The following KATNA1 variants were observed in gnomAD, a reference collection of about 807,000 sequenced individuals.
KATNA1 encodes the protein katanin p60 ATPase-containing subunit A1.
Under a neutral mutation model 62.6 loss-of-function variants are expected in KATNA1, and 42 were observed. That is an observed-to-expected ratio of 0.67 (90% confidence interval 0.52 to 0.87). The LOEUF is 0.87. Among genes scored for constraint, KATNA1 ranks in the 40% least tolerant of loss-of-function variants. The pLI, the probability that KATNA1 is intolerant of heterozygous loss-of-function variation, is 0.00. For missense variants in KATNA1, 498 were observed against 612.5 expected (o/e 0.81, Z 1.97); for synonymous variants, 186 against 201.9 (o/e 0.92, Z 0.67).
chr6:149,607,934 T>C (rs559349245), intron 4 of KATNA1, among the ~76,000 whole-genome samples: 102 of 152,030 alleles, frequency 6.7e-4, no homozygotes, highest in African/African-American at 2.4e-3. Context: ...GGTGTGATGG[T>C]TCACACCTGT....
chr6:149,637,387 A>T (rs1780103272), intron 2 of KATNA1, among the ~76,000 whole-genome samples: 1 of 152,076 alleles, frequency 6.6e-6, no homozygotes, highest in Non-Finnish European at 1.5e-5. Flanking sequence ...TGGGCAAGAG[A>T]GCAAGACCCT....
rs1246899427 is a variant in KATNA1 at position 149,598,101 on chromosome 6, GAAGTT to G, written c.1015+118_1015+122del. ...TCTTGCCACCCCCTCTAGTCCATCTGAAGTTAAGAATACCTATTAAAAGCTTGGGT... is the reference window on the plus strand; with the variant it reads ...TCTTGCCACCCCCTCTAGTCCATCTGAAGAATACCTATTAAAAGCTTGGGT... On this transcript the variant is annotated intron_variant, in intron 8 of 10. Transcript: ENST00000367411. 4 of 1,046,674 alleles carry G rather than the reference GAAGTT, an allele frequency of 3.8e-6. No individual in the cohort carries two copies. The East Asian group carries it at 9.7e-5, about 25-fold the overall frequency. The allele number at this position is 1,046,674 out of a possible 1,614,324, so 64.8% of individuals were successfully genotyped here.
chr6:149,600,227 C>T (rs905099151), intron 7 of KATNA1, among the ~76,000 whole-genome samples: 4 of 122,892 alleles, frequency 3.3e-5, no homozygotes, highest in Admixed American at 2.6e-4. Context: ...AAAAGCTGAA[C>T]ACAATGGCTC....
intron 4 of KATNA1, among the ~76,000 whole-genome samples, chr6:149,622,281 C>T (rs1779430335): frequency 1.3e-5 from 2 of 151,934 alleles, no homozygotes; most frequent in East Asian, 1.9e-4. Context: ...TACAGGCGCC[C>T]GCCACCACGG....
Position 149,633,033 on chromosome 6 carries a change from T to G in KATNA1, c.163-117A>C, listed in dbSNP as rs117028457. Reference sequence around the variant, plus strand: ...CTCCATTTTGATATCAGATATCCAGTAAACCACATCAAGATATTCTATCAA... The same window carrying G: ...CTCCATTTTGATATCAGATATCCAGGAAACCACATCAAGATATTCTATCAA... On this transcript the variant is annotated intron_variant, in intron 2 of 10. Transcript: ENST00000367411. 9.8e-3 allele frequency: 6,517 copies of G among 667,848 alleles called. 57 individuals are homozygous for G. The highest frequency in any genetic ancestry group is 0.014 in the Non-Finnish European group (5,483 of 404,306). 41.4% of individuals were successfully genotyped at this position (667,848 alleles called of 1,614,324 possible). A position where few individuals can be genotyped will look rare whatever the true frequency, so the allele number is the denominator to read the frequency against.
intron 4 of KATNA1, among the ~76,000 whole-genome samples, chr6:149,613,314 C>G (rs1194603454): frequency 1.3e-5 from 2 of 148,960 alleles, no homozygotes; most frequent in Non-Finnish European, 3.0e-5. Context: ...AGGAACACAG[C>G]AAGGACATCT....
At chr6:149,611,633 G>A (rs1778960392) in intron 4 of KATNA1, among the ~76,000 whole-genome samples, 1 of 152,002 alleles carries the variant, frequency 6.6e-6, no homozygotes, top group Non-Finnish European at 1.5e-5. Context: ...AATGCAAAAA[G>A]GACAGAGAAC....
chr6:149,638,577 A>G lies in KATNA1; in HGVS notation c.-13-17T>C. ...AACTGTAAGCTAAAAAGAAGAAGAA[A>G]AAAAGAAACACTTTAGGTTTACATG... On this transcript the variant is annotated splice_polypyrimidine_tract_variant and intron_variant, in intron 1 of 10. Coordinates refer to ENST00000367411, the MANE Select transcript of KATNA1 (RefSeq NM_007044.4). The G allele has an allele frequency of 1.9e-6, 3 of 1,545,134 alleles. No homozygotes were observed. The highest frequency in any genetic ancestry group is 2.7e-6 in the Non-Finnish European group (3 of 1,131,802).
intron 1 of KATNA1, among the ~76,000 whole-genome samples, chr6:149,641,570 C>T (rs1389022156): frequency 6.6e-6 from 1 of 152,108 alleles, no homozygotes; most frequent in Non-Finnish European, 1.5e-5. Flanking sequence ...CTGAGCAACT[C>T]TTTTTTATGT....
chr6:149,598,618 A>G (rs1778417948), intron 7 of KATNA1, among the ~76,000 whole-genome samples: 1 of 151,974 alleles, frequency 6.6e-6, no homozygotes, highest in Admixed American at 6.6e-5. Context: ...GCTACTCAGG[A>G]GGCTAGGTGA....
Position 149,630,933 on chromosome 6 carries a change from T to G in KATNA1, c.320+1826A>C, listed in dbSNP as rs571028032. On this transcript the variant is annotated intron_variant, in intron 3 of 10. Coordinates refer to ENST00000367411, the MANE Select transcript of KATNA1 (RefSeq NM_007044.4). ...TAGGTTCAAATCCTAGCTCTACCAT[T>G]TATCAGTTTTGTGATAGTGGGGAAA... Among the ~76,000 whole-genome samples the G allele has an allele frequency of 6.7e-3, 1,015 of 152,340 alleles. 9 individuals carry two copies. The highest frequency in any genetic ancestry group is 0.023 in the African/African-American group (959 of 41,578).
At chr6:149,599,855 C>A (rs1441477250) in intron 7 of KATNA1, among the ~76,000 whole-genome samples, 2 of 152,090 alleles carry the variant, frequency 1.3e-5, no homozygotes, top group Non-Finnish European at 2.9e-5. Flanking sequence ...AAGAGGCTAA[C>A]TTTACTTGGA....
At chr6:149,610,993 A>G (rs545747875) in intron 4 of KATNA1, among the ~76,000 whole-genome samples, 1 of 152,328 alleles carries the variant, frequency 6.6e-6, no homozygotes, top group South Asian at 2.1e-4. Flanking sequence ...ACTGAGGCAG[A>G]ATTGCTTCAA....
chr6:149,634,034 A>T (rs1011319016), intron 2 of KATNA1, among the ~76,000 whole-genome samples: 2 of 152,050 alleles, frequency 1.3e-5, no homozygotes, highest in African/African-American at 4.8e-5. Context: ...ACACTTTGGG[A>T]GGCCAAGGAG....
chr6:149,638,785 G>A (rs555106891), intron 1 of KATNA1, among the ~76,000 whole-genome samples: 4 of 133,710 alleles, frequency 3.0e-5, no homozygotes, highest in Admixed American at 9.3e-5. Context: ...GGCCCCGGCT[G>A]GAGCGCAATG....
At chr6:149,608,994 G>C (rs1217673409) in intron 4 of KATNA1, among the ~76,000 whole-genome samples, 1 of 152,124 alleles carries the variant, frequency 6.6e-6, no homozygotes, top group African/African-American at 2.4e-5. Context: ...AAAATGTCCA[G>C]GTTTCAACAG....
intron 7 of KATNA1, 41 bp from the exon 8 acceptor site, chr6:149,598,391 T>TATTTC: frequency 6.3e-7 from 1 of 1,596,276 alleles, no homozygotes; most frequent in South Asian, 1.1e-5. Flanking sequence ...ATTAAGCTAT[T>TATTTC]ATTTCATTTT....
intron 3 of KATNA1, among the ~76,000 whole-genome samples, chr6:149,625,662 G>A (rs1402355097): frequency 6.6e-6 from 1 of 151,500 alleles, no homozygotes; most frequent in Non-Finnish European, 1.5e-5. Context: ...GGCTGGGTGC[G>A]GTGGCTCACG....
chr6:149,598,171 C>A, intron 8 of KATNA1, 53 bp downstream of exon 8: 1 of 1,601,282 alleles, frequency 6.2e-7, no homozygotes, highest in Non-Finnish European at 8.5e-7. Flanking sequence ...GAACTGGAGA[C>A]ACCACACCTA....
Sources: allele counts gnomAD v4.1 joint callset (sites outside exome capture counted in the v4.1 genomes callset), GRCh38; gene constraint gnomAD v4.1.1; transcripts MANE v1.5; gene names NCBI Gene and HGNC (gene_info 2026-07-23, HGNC 2026-07-21).